The following ELP4 variants were observed in gnomAD, a reference collection of about 807,000 sequenced individuals.
ELP4 encodes the protein elongator complex protein 4.
A neutral mutation model predicts 48.9 loss-of-function variants in ELP4; 51 were observed. The ratio of observed to expected loss-of-function variants is 1.04; its 90% CI spans 0.83 to 1.32. ELP4 has a LOEUF of 1.32. Among genes scored for constraint, ELP4 ranks in the 40% most tolerant of loss-of-function variants. ELP4 has a pLI of 0.00. For synonymous variants in ELP4, 210 were observed against 189.2 expected (o/e 1.11, Z -0.90); for missense variants, 519 against 514.6 (o/e 1.01, Z -0.08).
At chr11:31,667,547 C>T (rs942224255) in intron 9 of ELP4, among the ~76,000 whole-genome samples, 5 of 152,034 alleles carry the variant, frequency 3.3e-5, no homozygotes, top group African/African-American at 7.2e-5. Context: ...TTATTTTCTA[C>T]GTTATTTTTA....
At chr11:31,769,952 C>T (rs947196217) in intron 9 of ELP4, among the ~76,000 whole-genome samples, 2 of 152,098 alleles carry the variant, frequency 1.3e-5, no homozygotes, top group African/African-American at 4.8e-5. Context: ...AAATATTGCT[C>T]CTTAAATGTC....
chr11:31,584,895 T>C (rs1351149320), intron 3 of ELP4, among the ~76,000 whole-genome samples: 2 of 152,186 alleles, frequency 1.3e-5, no homozygotes, highest in East Asian at 3.8e-4. Context: ...AGTTTTTATA[T>C]AGTTAAAATG....
intron 9 of ELP4, among the ~76,000 whole-genome samples, chr11:31,677,907 C>T (rs2134117345): frequency 6.6e-6 from 1 of 152,218 alleles, no homozygotes; most frequent in East Asian, 1.9e-4. Flanking sequence ...TTTTGACATT[C>T]TGTGGATCTT....
chr11:31,739,064 CATGTT>C (rs1312067289), intron 9 of ELP4, among the ~76,000 whole-genome samples: 1 of 145,258 alleles, frequency 6.9e-6, no homozygotes, highest in Admixed American at 7.0e-5. Context: ...GTGTAGATCT[CATGTT>C]ATGTGTTTTT....
intron 9 of ELP4, among the ~76,000 whole-genome samples, chr11:31,697,756 G>C (rs890086283): frequency 1.3e-5 from 2 of 151,374 alleles, no homozygotes; most frequent in African/African-American, 4.9e-5. Context: ...ATGCAATCAG[G>C]GTCTCATCAA....
At chr11:31,582,409 C>T (rs1225150428) in intron 3 of ELP4, among the ~76,000 whole-genome samples, 5 of 152,128 alleles carry the variant, frequency 3.3e-5, no homozygotes, top group South Asian at 2.1e-4. Context: ...TTATTTTTTT[C>T]GCAAATCTGC....
At chr11:31,652,167 A>G (rs1408051413) in intron 9 of ELP4, 2 of 151,748 alleles carry the variant, frequency 1.3e-5, no homozygotes, top group Non-Finnish European at 3.0e-5. Context: ...AAAATTCTAT[A>G]TACTCAAACT....
chr11:31,715,541 A>G (rs932336643), intron 9 of ELP4, among the ~76,000 whole-genome samples: 1 of 152,228 alleles, frequency 6.6e-6, no homozygotes, highest in Non-Finnish European at 1.5e-5. Context: ...ATCAATCAAG[A>G]AACAATTTCT....
intron 3 of ELP4, among the ~76,000 whole-genome samples, chr11:31,541,127 TA>T (rs373513611): frequency 2.6e-5 from 4 of 152,232 alleles, no homozygotes; most frequent in Admixed American, 1.3e-4. Flanking sequence ...ATTTGTAACA[TA>T]ATAAATACTA....
At chr11:31,726,473 T>C (rs1405173694) in intron 9 of ELP4, among the ~76,000 whole-genome samples, 1 of 152,194 alleles carries the variant, frequency 6.6e-6, no homozygotes, top group East Asian at 1.9e-4. Flanking sequence ...TGGTAACTAA[T>C]CTTACAGGAG....
At chr11:31,706,989 C>A in intron 9 of ELP4, 1 of 398,230 alleles carries the variant, frequency 2.5e-6, no homozygotes, top group East Asian at 3.6e-5. Context: ...TTTTTTTGGA[C>A]ACCTAGGTTG....
At chr11:31,716,479 GC>G (rs1272447872) in intron 9 of ELP4, among the ~76,000 whole-genome samples, 8 of 152,140 alleles carry the variant, frequency 5.3e-5, no homozygotes, top group African/African-American at 1.9e-4. Context: ...ATATCATGGG[GC>G]TGATAAGATT....
intron 5 of ELP4, among the ~76,000 whole-genome samples, chr11:31,618,865 T>C (rs1391285128): frequency 6.6e-6 from 1 of 152,198 alleles, no homozygotes; most frequent in South Asian, 2.1e-4. Flanking sequence ...GGGTGAATTG[T>C]ATGGTACCTG....
At chr11:31,716,252 A>G (rs1263846298) in intron 9 of ELP4, among the ~76,000 whole-genome samples, 2 of 151,912 alleles carry the variant, frequency 1.3e-5, no homozygotes, top group Admixed American at 6.6e-5. Context: ...GCCTCAAACC[A>G]TTCCCCTGTC....
chr11:31,597,835 G>A (rs1957700687), intron 4 of ELP4, among the ~76,000 whole-genome samples: 1 of 152,016 alleles, frequency 6.6e-6, no homozygotes, highest in Non-Finnish European at 1.5e-5. Context: ...CCAAAGTGCT[G>A]GGATTCCAGG....
chr11:31,648,113 T>G, intron 8 of ELP4: 1 of 269,820 alleles, frequency 3.7e-6, no homozygotes, highest in Non-Finnish European at 7.1e-6. Context: ...CCTAGTGGCT[T>G]AAGGTAGCCA....
intron 3 of ELP4, among the ~76,000 whole-genome samples, chr11:31,579,620 T>G (rs1466992765): frequency 1.3e-5 from 2 of 151,930 alleles, no homozygotes; most frequent in African/African-American, 4.8e-5. Flanking sequence ...AAAGGATGAG[T>G]TCATGTCCTT....
At chr11:31,655,025 A>G (rs974460506) in intron 9 of ELP4, among the ~76,000 whole-genome samples, 1 of 152,064 alleles carries the variant, frequency 6.6e-6, no homozygotes, top group Admixed American at 6.6e-5. Context: ...AAAGAAAATC[A>G]AAGTTGAACA....
rs1592287514 is a variant in ELP4 at position 31,759,901 on chromosome 11, T to G, written c.1144-23492T>G. ...TTTGTATTTTTAGCAGAGACAGGGT[T>G]TCACTTGGCCAGGGTAGTCTTGAAC... On this transcript the variant is annotated intron_variant, in intron 9 of 9. Transcript: ENST00000640961. Among the ~76,000 whole-genome samples, 4 of 151,924 alleles carry G rather than the reference T, an allele frequency of 2.6e-5. 1 individual carries two copies. Among genetic ancestry groups the G allele is most frequent in the Non-Finnish European group, 5.9e-5 (4 of 67,942 alleles).
Sources: gnomAD v4.1 joint callset for allele counts (sites outside exome capture counted in the v4.1 genomes callset) on GRCh38, gnomAD v4.1.1 for gene constraint, MANE v1.5 for transcripts, NCBI Gene and HGNC (gene_info 2026-07-23, HGNC 2026-07-21) for gene names.